PRKCZ: variants seen among roughly 807,000 people sequenced by gnomAD.
The protein encoded by PRKCZ is protein kinase C zeta, also known as protein kinase C zeta type.
Under a neutral mutation model 79.5 loss-of-function variants are expected in PRKCZ, and 33 were observed. That is an observed-to-expected ratio of 0.41 (90% CI 0.31 to 0.55). The LOEUF (loss-of-function observed/expected upper bound fraction) is 0.55, where lower values mean the gene tolerates loss of function less well. Among genes scored for constraint, PRKCZ ranks in the 20% least tolerant of loss-of-function variants. The pLI is 0.19. For synonymous variants in PRKCZ, 342 were observed against 320.9 expected, an observed-to-expected ratio of 1.07 and a Z score of -0.70; for missense variants, 578 against 813.5, an observed-to-expected ratio of 0.71 and a Z score of 3.52.
intron 9 of PRKCZ, among the ~76,000 whole-genome samples, chr1:2,152,051 A>G (rs1680005515): frequency 6.6e-6 from 1 of 152,002 alleles, no homozygotes; most frequent in African/African-American, 2.4e-5. Flanking sequence ...GGGTTCCACT[A>G]TATTGCCCAG....
intron 5 of PRKCZ, chr1:2,143,195 A>G (rs1211618712): frequency 6.6e-6 from 1 of 151,838 alleles, no homozygotes; most frequent in East Asian, 1.9e-4. Flanking sequence ...CACCTGGCTA[A>G]TTTTTTGTAT....
At chr1:2,093,946 G>A (rs575663727) in intron 4 of PRKCZ, among the ~76,000 whole-genome samples, 24 of 152,268 alleles carry the variant, frequency 1.6e-4, no homozygotes, top group African/African-American at 5.3e-4. Flanking sequence ...TGGGGCCAGG[G>A]CAGAGGGAGC....
At position 2,075,506 on chromosome 1, in the gene PRKCZ, A is replaced by G. The variant is rs1420942825; in HGVS notation, c.334+15915A>G. The G allele has an allele frequency of 6.6e-6, 1 of 152,102 alleles. No homozygotes were observed. The highest frequency in any genetic ancestry group is 2.4e-5 in the African/African-American group (1 of 41,360). The allele number at this position is 152,102 out of a possible 1,614,324, so 9.4% of individuals were successfully genotyped here. ...CTGTGTCTCGGCCAGATCGGCACAC[A>G]TCTTCCGCGTTCCTGTCCCAGCTGC... On this transcript the variant is annotated intron_variant, in intron 4 of 17. Coordinates refer to ENST00000378567, the MANE Select transcript of PRKCZ (RefSeq NM_002744.6). The surrounding 1 kb of genome is among the most constrained non-coding windows in gnomAD (Gnocchi z 4.8).
rs1161651776 is a variant in PRKCZ at position 2,082,046 on chromosome 1, C to A, written c.334+22455C>A. ...CATATTAAAGCAGGCTTGATCCGGG[C>A]TGCCGTGGTTCCGATCGACTCCGAA... is the stretch of plus-strand genomic sequence containing the variant. On this transcript the variant is annotated intron_variant, in intron 4 of 17. Coordinates refer to ENST00000378567, the MANE Select transcript of PRKCZ (RefSeq NM_002744.6). The surrounding 1 kb of genome is among the most constrained non-coding windows in gnomAD (Gnocchi z 4.4). 2.6e-5 allele frequency among the ~76,000 whole-genome samples: 4 copies of A among 152,278 alleles called. No individual in the cohort carries two copies. Among genetic ancestry groups the A allele is most frequent in the African/African-American group, 9.6e-5 (4 of 41,482 alleles).
intron 4 of PRKCZ, among the ~76,000 whole-genome samples, chr1:2,102,562 G>T (rs1401971639): frequency 6.6e-6 from 1 of 152,044 alleles, no homozygotes; most frequent in Non-Finnish European, 1.5e-5. Flanking sequence ...TCGATCTCCT[G>T]ACCTCGTGAT....
chr1:2,096,088 C>G (rs1437067543), intron 4 of PRKCZ, among the ~76,000 whole-genome samples: 2 of 151,468 alleles, frequency 1.3e-5, no homozygotes, highest in Non-Finnish European at 2.9e-5. Flanking sequence ...GGCATAGTCC[C>G]AGGGAGCAGG....
intron 4 of PRKCZ, among the ~76,000 whole-genome samples, chr1:2,068,492 T>C (rs1274288564): frequency 6.6e-6 from 1 of 152,230 alleles, no homozygotes; most frequent in Non-Finnish European, 1.5e-5. Flanking sequence ...CTTTTCTCAC[T>C]GGAACACCGG....
At position 2,173,597 on chromosome 1, in the gene PRKCZ, T is replaced by C. The variant is rs1684892785; in HGVS notation, c.1286-300T>C. 6.6e-6 allele frequency among the ~76,000 whole-genome samples: 1 copy of C among 152,032 alleles called. No homozygotes were observed. Among genetic ancestry groups the C allele is most frequent in the Non-Finnish European group, 1.5e-5 (1 of 68,006 alleles). ...TAGAAGCAGAAACGAGAGAGGAGGG[T>C]CGTCCGCAGGTTCCACCAGTGCCTC... On this transcript the variant is annotated intron_variant, in intron 13 of 17. Coordinates refer to ENST00000378567, the MANE Select transcript of PRKCZ (RefSeq NM_002744.6). This position sits in a 1 kb window ranked among gnomAD's most constrained non-coding sequence, Gnocchi z 5.7.
intron 4 of PRKCZ, among the ~76,000 whole-genome samples, chr1:2,080,966 T>C (rs1663382189): frequency 1.3e-5 from 2 of 152,178 alleles, no homozygotes; most frequent in Admixed American, 1.3e-4. Context: ...AGCCTCCTTA[T>C]ATCGCTGGGT....
Position 2,144,236 on chromosome 1 carries a change from G to A in PRKCZ, c.447G>A (p.Glu149=). ...NRRAYCGQCS[E]RIWGLARQGY... Reference sequence around the variant, plus strand: ...GAGCGTACTGCGGTCAGTGCAGCGAGAGGATATGGGGCCTCGCGAGGCAAG... The same window carrying A: ...GAGCGTACTGCGGTCAGTGCAGCGAAAGGATATGGGGCCTCGCGAGGCAAG... The change falls in exon 6 of 18, where the codon GAG becomes GAA. Residue 149 remains glutamate (E), a synonymous_variant. Transcript: ENST00000378567. 6.4e-7 allele frequency: 1 copy of A among 1,553,256 alleles called. No homozygotes were observed. Among genetic ancestry groups the A allele is most frequent in the African/African-American group, 1.4e-5 (1 of 73,462 alleles).
chr1:2,091,284 G>A lies in PRKCZ; in HGVS notation c.334+31693G>A, dbSNP rs138551338. Reference sequence around the variant, plus strand: ...ACTCCTGACCTCAGGTGATCTGCCCGTCTTGGCCTCCCAAAGTGCTGGGAT... The same window carrying A: ...ACTCCTGACCTCAGGTGATCTGCCCATCTTGGCCTCCCAAAGTGCTGGGAT... On this transcript the variant is annotated intron_variant, in intron 4 of 17. Transcript: ENST00000378567. 0.035 allele frequency among the ~76,000 whole-genome samples: 5,336 copies of A among 152,264 alleles called. 530 individuals carry two copies. The East Asian group carries it at 0.39, about 11-fold the overall frequency.
intron 4 of PRKCZ, chr1:2,071,226 C>T (rs940239813): frequency 7.3e-6 from 2 of 272,284 alleles, no homozygotes; most frequent in Admixed American, 5.1e-5. Context: ...TTGTGAGGCT[C>T]GACAGGGTTT....
intron 4 of PRKCZ, among the ~76,000 whole-genome samples, chr1:2,131,630 G>A (rs1187651187): frequency 4.6e-5 from 7 of 152,174 alleles, no homozygotes; most frequent in Non-Finnish European, 1.0e-4. Flanking sequence ...AATATAAAGC[G>A]TGGTAATCGA....
intron 9 of PRKCZ, among the ~76,000 whole-genome samples, chr1:2,154,281 C>T (rs565371507): frequency 1.3e-4 from 20 of 152,042 alleles, no homozygotes; most frequent in African/African-American, 4.8e-4. Flanking sequence ...GAGCAGCCGT[C>T]GGGGGGCAGG....
chr1:2,057,698 CT>C lies in PRKCZ; in HGVS notation c.283+1126del, dbSNP rs113004026. 2.1e-3 allele frequency among the ~76,000 whole-genome samples: 312 copies of C among 152,072 alleles called. 1 individual carries two copies. Among genetic ancestry groups the C allele is most frequent in the African/African-American group, 6.0e-3 (249 of 41,514 alleles). ...CTGGGCAACATAGTGAGACCCCCCC[CT>C]CTCCAAAACTTGTTTTATTTTTTTG... is the stretch of plus-strand genomic sequence containing the variant. On this transcript the variant is annotated intron_variant, in intron 3 of 17. Coordinates refer to ENST00000378567, the MANE Select transcript of PRKCZ (RefSeq NM_002744.6).
At chr1:2,103,132 T>C (rs1446478869) in intron 4 of PRKCZ, among the ~76,000 whole-genome samples, 1 of 152,184 alleles carries the variant, frequency 6.6e-6, no homozygotes, top group Non-Finnish European at 1.5e-5. Flanking sequence ...CCCAAAGTAC[T>C]GGGAGCCACC....
chr1:2,090,456 G>A (rs1253527688), intron 4 of PRKCZ, among the ~76,000 whole-genome samples: 1 of 152,042 alleles, frequency 6.6e-6, no homozygotes, highest in African/African-American at 2.4e-5. Context: ...CCCACAGGAT[G>A]GTGCTGGCCG....
At chr1:2,166,288 G>A (rs568131554) in intron 10 of PRKCZ, among the ~76,000 whole-genome samples, 1 of 152,246 alleles carries the variant, frequency 6.6e-6, no homozygotes, top group East Asian at 1.9e-4. Context: ...CGGTGGTGGT[G>A]CAAGCATGTG....
chr1:2,053,040 C>T (rs1478640819), intron 1 of PRKCZ, among the ~76,000 whole-genome samples: 1 of 152,074 alleles, frequency 6.6e-6, no homozygotes, highest in Non-Finnish European at 1.5e-5. Flanking sequence ...GGCCAGACTC[C>T]CACGCTGAGT....
Sources: allele counts gnomAD v4.1 joint callset (sites outside exome capture counted in the v4.1 genomes callset), GRCh38; gene constraint gnomAD v4.1.1; non-coding constraint Gnocchi (gnomAD v3.1); transcripts MANE v1.5; gene names NCBI Gene and HGNC (gene_info 2026-07-23, HGNC 2026-07-21).